ZBTB20: variants seen among roughly 807,000 people sequenced by gnomAD.
The protein encoded by ZBTB20 is zinc finger and BTB domain containing 20, also known as zinc finger and BTB domain-containing protein 20.
ZBTB20 carries 9 observed loss-of-function variants against 56.9 expected under a neutral mutation model. That is an observed-to-expected ratio of 0.16 (90% confidence interval 0.10 to 0.28). The LOEUF (loss-of-function observed/expected upper bound fraction) is 0.28. ZBTB20 is among the 10% of genes least tolerant of loss of function. The pLI, the probability that ZBTB20 is intolerant of heterozygous loss-of-function variation, is 1.00. For missense variants in ZBTB20, 655 were observed against 1,003.0 expected, an observed-to-expected ratio of 0.65 and a Z score of 4.69; for synonymous variants, 417 against 420.7, an observed-to-expected ratio of 0.99 and a Z score of 0.11.
intron 10 of ZBTB20, among the ~76,000 whole-genome samples, chr3:114,369,516 A>G (rs2082771235): frequency 1.3e-5 from 2 of 152,222 alleles, no homozygotes; most frequent in Admixed American, 1.3e-4. Context: ...TTTTACAGGT[A>G]ATTTAATAGT....
At chr3:114,723,151 T>C (rs1387947648) in intron 5 of ZBTB20, among the ~76,000 whole-genome samples, 6 of 151,880 alleles carry the variant, frequency 4.0e-5, no homozygotes, top group Non-Finnish European at 8.8e-5. Context: ...CCTTCCCTTT[T>C]ATTTTACTTT....
intron 1 of ZBTB20, among the ~76,000 whole-genome samples, chr3:115,117,955 G>T (rs947264056): frequency 6.6e-6 from 1 of 152,116 alleles, no homozygotes; most frequent in Non-Finnish European, 1.5e-5. Context: ...AAAGAACGTG[G>T]CTTTTAAAGT....
At position 114,587,718 on chromosome 3, in the gene ZBTB20, A is replaced by T. The variant is rs138731778; in HGVS notation, c.-294-87327T>A. Among the ~76,000 whole-genome samples, 67 of 152,328 alleles carry T rather than the reference A, an allele frequency of 4.4e-4. No individual in the cohort carries two copies. The South Asian group carries it at 8.9e-3, about 20-fold the overall frequency. ...TTGTTCCAAAGCCCATGTACTCTTA[A>T]CCATAGAAGAACGAAAGTCATTTCC... On this transcript the variant is annotated intron_variant, in intron 6 of 11. Coordinates refer to ENST00000675478, the MANE Select transcript of ZBTB20 (RefSeq NM_001348800.3).
rs188405323 is a variant in ZBTB20 at position 114,944,183 on chromosome 3, C to T, written c.-456+30183G>A. Among the ~76,000 whole-genome samples the T allele has an allele frequency of 5.4e-4, 79 of 145,560 alleles. 17 individuals are homozygous for T. The highest frequency in any genetic ancestry group is 2.1e-3 in the African/African-American group (74 of 35,784). Reference sequence around the variant, plus strand: ...AAAATGAGTAAAAGATCTGAACACACATTTCTCAGAAGAAGACATAAAAAT... The same window carrying T: ...AAAATGAGTAAAAGATCTGAACACATATTTCTCAGAAGAAGACATAAAAAT... On this transcript the variant is annotated intron_variant, in intron 3 of 11. Coordinates refer to ENST00000675478, the MANE Select transcript of ZBTB20 (RefSeq NM_001348800.3).
chr3:114,850,921 GT>G (rs2074968903), intron 4 of ZBTB20, among the ~76,000 whole-genome samples: 1 of 152,128 alleles, frequency 6.6e-6, no homozygotes, highest in Non-Finnish European at 1.5e-5. Context: ...AAATGTCTCA[GT>G]TGAGGGATTA....
intron 5 of ZBTB20, among the ~76,000 whole-genome samples, chr3:114,775,001 T>C (rs2069481770): frequency 6.6e-6 from 1 of 152,176 alleles, no homozygotes; most frequent in African/African-American, 2.4e-5. Flanking sequence ...GGAGTATGCT[T>C]GCTTTGCACC....
At chr3:114,470,682 T>C (rs763065232) in intron 7 of ZBTB20, among the ~76,000 whole-genome samples, 2 of 152,146 alleles carry the variant, frequency 1.3e-5, no homozygotes, top group African/African-American at 2.4e-5. Context: ...TTTTTGTCCA[T>C]GGATTTTAAG....
At chr3:114,881,515 A>G (rs2076395423) in intron 4 of ZBTB20, among the ~76,000 whole-genome samples, 1 of 151,956 alleles carries the variant, frequency 6.6e-6, no homozygotes, top group Admixed American at 6.5e-5. Flanking sequence ...GTATCTCACT[A>G]GGGGTTTGAT....
chr3:114,877,829 A>C (rs1319185367), intron 4 of ZBTB20, among the ~76,000 whole-genome samples: 1 of 152,034 alleles, frequency 6.6e-6, no homozygotes, highest in Admixed American at 6.6e-5. Context: ...TCTTTATTAG[A>C]CAGCATCTAA....
chr3:114,459,012 T>G (rs2109107722), intron 7 of ZBTB20, among the ~76,000 whole-genome samples: 1 of 152,222 alleles, frequency 6.6e-6, no homozygotes, highest in African/African-American at 2.4e-5. Flanking sequence ...TTTGTATGAA[T>G]AAGTCATCAA....
chr3:114,362,503 G>A (rs1218608976), intron 10 of ZBTB20, among the ~76,000 whole-genome samples: 1 of 152,158 alleles, frequency 6.6e-6, no homozygotes, highest in Non-Finnish European at 1.5e-5. Flanking sequence ...TCCTGACAGG[G>A]CTTTTTTGCC....
intron 5 of ZBTB20, among the ~76,000 whole-genome samples, chr3:114,781,244 C>G (rs1488089467): frequency 6.6e-6 from 1 of 152,036 alleles, no homozygotes; most frequent in Non-Finnish European, 1.5e-5. Context: ...AGTTTCCTCA[C>G]CAGTAAAATT....
chr3:114,907,329 C>T (rs916005514), intron 3 of ZBTB20, among the ~76,000 whole-genome samples: 2 of 151,854 alleles, frequency 1.3e-5, no homozygotes, highest in East Asian at 3.9e-4. Context: ...TACTTAGTTG[C>T]TTTCAGTATT....
intron 3 of ZBTB20, among the ~76,000 whole-genome samples, chr3:114,909,939 T>G (rs1259587045): frequency 6.6e-6 from 1 of 151,788 alleles, no homozygotes; most frequent in Non-Finnish European, 1.5e-5. Flanking sequence ...ACAATAATAC[T>G]GAGCATAAGG....
At chr3:114,743,057 A>G (rs2066736753) in intron 5 of ZBTB20, among the ~76,000 whole-genome samples, 2 of 152,162 alleles carry the variant, frequency 1.3e-5, no homozygotes, top group African/African-American at 4.8e-5. Flanking sequence ...TATACAAGTG[A>G]CAATTTTTTT....
chr3:114,820,714 C>A (rs1462469459), intron 4 of ZBTB20, among the ~76,000 whole-genome samples: 1 of 151,966 alleles, frequency 6.6e-6, no homozygotes, highest in Non-Finnish European at 1.5e-5. Flanking sequence ...TACTTTTGTG[C>A]ATAAAGAACA....
chr3:114,523,762 T>C (rs746594067), intron 6 of ZBTB20, among the ~76,000 whole-genome samples: 3 of 152,066 alleles, frequency 2.0e-5, no homozygotes, highest in Non-Finnish European at 2.9e-5. Context: ...TTCAGTGAAG[T>C]AAAAAGAAAG....
At chr3:114,446,484 G>T (rs983259754) in intron 7 of ZBTB20, among the ~76,000 whole-genome samples, 3 of 152,148 alleles carry the variant, frequency 2.0e-5, no homozygotes, top group Admixed American at 6.6e-5. Flanking sequence ...TTGTTTAAAA[G>T]ATGTCACAGT....
chr3:114,570,340 A>G (rs1179210011), intron 6 of ZBTB20, among the ~76,000 whole-genome samples: 1 of 151,700 alleles, frequency 6.6e-6, no homozygotes, highest in African/African-American at 2.4e-5. Context: ...TAAATATTAA[A>G]TTCCATGCAC....
Sources: allele counts gnomAD v4.1 joint callset (sites outside exome capture counted in the v4.1 genomes callset), GRCh38; gene constraint gnomAD v4.1.1; transcripts MANE v1.5; gene names NCBI Gene and HGNC (gene_info 2026-07-23, HGNC 2026-07-21).